The following ANKRD30BL variants were observed in gnomAD, a reference collection of about 807,000 sequenced individuals.
ANKRD30BL encodes the protein ankyrin repeat domain 30B like.
Under a neutral mutation model 18.4 loss-of-function variants are expected in ANKRD30BL, and 20 were observed. That is an observed-to-expected ratio of 1.09 (90% CI 0.77 to 1.58). The LOEUF (loss-of-function observed/expected upper bound fraction) is 1.58. Among genes scored for constraint, ANKRD30BL ranks in the 40% most tolerant of loss-of-function variants. The pLI is 0.00. For synonymous variants in ANKRD30BL, 72 were observed against 100.9 expected, an observed-to-expected ratio of 0.71 and a Z score of 1.72; for missense variants, 224 against 268.6, an observed-to-expected ratio of 0.83 and a Z score of 1.16.
chr2:132,221,764 A>C (rs1679693558), intron 1 of ANKRD30BL, among the ~76,000 whole-genome samples: 3 of 84,324 alleles, frequency 3.6e-5, no homozygotes, highest in African/African-American at 6.5e-5. Context: ...GGCCGCCCCT[A>C]CTGGGAAGTG....
chr2:132,191,568 G>A (rs956479497), intron 1 of ANKRD30BL, among the ~76,000 whole-genome samples: 69 of 152,152 alleles, frequency 4.5e-4, no homozygotes, highest in African/African-American at 1.6e-3. Flanking sequence ...ATCCATTATA[G>A]TTTCTGTGCA....
At chr2:132,226,674 A>G (rs961198480) in intron 1 of ANKRD30BL, among the ~76,000 whole-genome samples, 2 of 151,702 alleles carry the variant, frequency 1.3e-5, no homozygotes, top group African/African-American at 2.4e-5. Context: ...TTTGAGGCCT[A>G]TGGTGGAAAA....
chr2:132,205,477 T>G (rs1679193228), intron 1 of ANKRD30BL, among the ~76,000 whole-genome samples: 1 of 151,500 alleles, frequency 6.6e-6, no homozygotes, highest in East Asian at 1.9e-4. Flanking sequence ...GGCACATGCT[T>G]GTAATCGCAG....
intron 1 of ANKRD30BL, among the ~76,000 whole-genome samples, chr2:132,186,090 A>G (rs1688554999): frequency 6.6e-6 from 1 of 151,794 alleles, no homozygotes; most frequent in African/African-American, 2.4e-5. Flanking sequence ...GCAGTGAGCC[A>G]CTGCACTCCA....
chr2:132,244,615 C>A (rs1468377463), intron 1 of ANKRD30BL, among the ~76,000 whole-genome samples: 13 of 151,920 alleles, frequency 8.6e-5, no homozygotes, highest in Admixed American at 3.9e-4. Context: ...CAGAAGAATT[C>A]TCAGACACTT....
chr2:132,186,459 T>C (rs1346219036), intron 1 of ANKRD30BL, among the ~76,000 whole-genome samples: 1 of 152,234 alleles, frequency 6.6e-6, no homozygotes, highest in Non-Finnish European at 1.5e-5. Context: ...TGTCTAGGCT[T>C]CATTATAAGT....
chr2:132,212,958 T>A (rs183676728), intron 1 of ANKRD30BL, among the ~76,000 whole-genome samples: 130 of 152,062 alleles, frequency 8.5e-4, no homozygotes, highest in African/African-American at 3.0e-3. Flanking sequence ...ATTTGCAGCC[T>A]GTGGTGGAAA....
In ANKRD30BL at chr2:132,214,818, C is replaced by T. The variant is rs531191095; in HGVS notation, n.441+42711G>A. Among the ~76,000 whole-genome samples, 331 of 151,600 alleles carry T rather than the reference C, an allele frequency of 2.2e-3. 1 individual carries two copies. Among genetic ancestry groups the T allele is most frequent in the African/African-American group, 7.5e-3 (312 of 41,360 alleles). On this transcript the variant is annotated intron_variant and non_coding_transcript_variant, in intron 1 of 4. Transcript: ENST00000470729. The stretch of plus-strand genomic sequence containing the variant: ...AGTGGACATTTGGAGTGCTTTGAGG[C>T]CTATGGTGAAAAGGAAATATCTTCA...
intron 1 of ANKRD30BL, among the ~76,000 whole-genome samples, chr2:132,179,503 G>T (rs1378252289): frequency 7.1e-6 from 1 of 140,042 alleles, no homozygotes; most frequent in Non-Finnish European, 1.6e-5. Flanking sequence ...TGGCCAGGCT[G>T]CTCTTGAACT....
At chr2:132,256,929 A>G (rs765481954) in intron 1 of ANKRD30BL, 1 of 484,200 alleles carries the variant, frequency 2.1e-6, no homozygotes, top group Non-Finnish European at 4.1e-6. Context: ...CGCGAGGGCA[A>G]GGGCACCTGG....
chr2:132,242,626 T>C (rs200850383), intron 1 of ANKRD30BL, among the ~76,000 whole-genome samples: 2 of 151,712 alleles, frequency 1.3e-5, no homozygotes, highest in South Asian at 2.1e-4. Context: ...TTTCTTTTGA[T>C]ACAGCAGTTT....
chr2:132,246,536 G>C (rs1335144765), intron 1 of ANKRD30BL, among the ~76,000 whole-genome samples: 3 of 151,976 alleles, frequency 2.0e-5, no homozygotes, highest in Non-Finnish European at 4.4e-5. Flanking sequence ...TCACAGAGTT[G>C]AAAGTTTCTT....
intron 1 of ANKRD30BL, among the ~76,000 whole-genome samples, chr2:132,215,036 T>G (rs1438193488): frequency 6.6e-6 from 1 of 152,068 alleles, no homozygotes; most frequent in Non-Finnish European, 1.5e-5. Flanking sequence ...GATATAATCA[T>G]CCTGAGAAAA....
At position 132,200,011 on chromosome 2, in the gene ANKRD30BL, C is replaced by T. The variant is rs555606391; in HGVS notation, n.442-42865G>A. On this transcript the variant is annotated intron_variant and non_coding_transcript_variant, in intron 1 of 4. Coordinates refer to the ANKRD30BL transcript ENST00000470729. The stretch of plus-strand genomic sequence containing the variant: ...TGGGATGCAAGGCTGGTTCAATATA[C>T]GCAAATCAATAACTGTAATCTAGCA... Among the ~76,000 whole-genome samples, 72 of 152,210 alleles carry T rather than the reference C, an allele frequency of 4.7e-4. No homozygotes were observed. The South Asian group carries it at 9.1e-3, about 19-fold the overall frequency.
intron 1 of ANKRD30BL, among the ~76,000 whole-genome samples, chr2:132,238,590 G>T (rs878865360): frequency 2.0e-5 from 3 of 151,720 alleles, no homozygotes; most frequent in African/African-American, 7.3e-5. Context: ...GGTGCTCTTT[G>T]AAGCCTATGG....
chr2:132,168,046 A>T (rs746301798), intron 1 of ANKRD30BL, among the ~76,000 whole-genome samples: 16 of 152,154 alleles, frequency 1.1e-4, no homozygotes, highest in Non-Finnish European at 1.6e-4. Flanking sequence ...TCTCACTTGC[A>T]TCATTTTCTC....
chr2:132,247,207 A>C (rs1203684738), intron 1 of ANKRD30BL, among the ~76,000 whole-genome samples: 2 of 134,660 alleles, frequency 1.5e-5, no homozygotes, highest in South Asian at 4.9e-4. Context: ...TCTGCATTCA[A>C]CTCACAGAGT....
chr2:132,201,886 C>A (rs1164182606), intron 1 of ANKRD30BL, among the ~76,000 whole-genome samples: 1 of 152,158 alleles, frequency 6.6e-6, no homozygotes, highest in Non-Finnish European at 1.5e-5. Context: ...AGACTTGGAA[C>A]CAACCCAAAT....
chr2:132,201,283 A>G (rs1679091987), intron 1 of ANKRD30BL, among the ~76,000 whole-genome samples: 1 of 152,204 alleles, frequency 6.6e-6, no homozygotes, highest in South Asian at 2.1e-4. Flanking sequence ...ACCAAAGCCA[A>G]CATTGACAAA....
Sources: gnomAD v4.1 joint callset for allele counts (sites outside exome capture counted in the v4.1 genomes callset) on GRCh38, gnomAD v4.1.1 for gene constraint, MANE v1.5 for transcripts, NCBI Gene and HGNC (gene_info 2026-07-23, HGNC 2026-07-21) for gene names.